Variants in POLR3G observed in about 807,000 individuals in gnomAD.
POLR3G encodes the protein DNA-directed RNA polymerase III subunit RPC7.
Under a neutral mutation model 30.1 loss-of-function variants are expected in POLR3G, and 28 were observed. That is an observed-to-expected ratio of 0.93 (90% CI 0.69 to 1.27). The LOEUF is 1.27. Among genes scored for constraint, POLR3G ranks in the 50% most tolerant of loss-of-function variants. The pLI is 0.00. For missense variants in POLR3G, 254 were observed against 264.6 expected (o/e 0.96, Z 0.28); for synonymous variants, 79 against 82.5 (o/e 0.96, Z 0.23).
At position 90,513,082 on chromosome 5, in the gene POLR3G, GTTTAAC is replaced by G. The variant is rs889973012; in HGVS notation, c.*949_*954del. ...TGAAATTAATATTAATATTTTTGTT[GTTTAAC>G]TTTAAAGCTAGCTCCCCTAACTTTA... On this transcript the variant is annotated 3_prime_UTR_variant, in exon 8 of 8. Transcript: ENST00000651687. The G allele has an allele frequency of 1.3e-5, 2 of 151,954 alleles. No homozygotes were observed. Among genetic ancestry groups the G allele is most frequent in the Admixed American group, 1.3e-4 (2 of 15,232 alleles). 9.4% of individuals were successfully genotyped at this position (151,954 alleles called of 1,614,324 possible).
At chr5:90,478,546 TG>T (rs1750953264) in intron 1 of POLR3G, among the ~76,000 whole-genome samples, 1 of 146,988 alleles carries the variant, frequency 6.8e-6, no homozygotes, top group Non-Finnish European at 1.5e-5. Flanking sequence ...TTCTGTAAAA[TG>T]GGAGGTTTAA....
At chr5:90,480,551 C>G (rs531394779) in intron 1 of POLR3G, among the ~76,000 whole-genome samples, 110 of 152,086 alleles carry the variant, frequency 7.2e-4, no homozygotes, top group African/African-American at 2.5e-3. Flanking sequence ...TTTTCAAGAG[C>G]TGTTCCATGA....
chr5:90,491,687 T>C (rs1324699467), intron 3 of POLR3G, among the ~76,000 whole-genome samples: 1 of 152,202 alleles, frequency 6.6e-6, no homozygotes, highest in Non-Finnish European at 1.5e-5. Flanking sequence ...GACCCTTTTA[T>C]ATATCTAAAA....
At chr5:90,493,341 G>C (rs750841189) in intron 3 of POLR3G, among the ~76,000 whole-genome samples, 13 of 151,898 alleles carry the variant, frequency 8.6e-5, no homozygotes, top group Non-Finnish European at 1.8e-4. Flanking sequence ...CCACCTCCCA[G>C]GCTCAAGTGA....
At chr5:90,492,979 TTATAA>T (rs746658528) in intron 3 of POLR3G, among the ~76,000 whole-genome samples, 13 of 151,800 alleles carry the variant, frequency 8.6e-5, no homozygotes, top group Non-Finnish European at 1.9e-4. Flanking sequence ...AGAAATGCAT[TTATAA>T]TCTGAAATTA....
intron 1 of POLR3G, among the ~76,000 whole-genome samples, chr5:90,476,366 A>G (rs549187587): frequency 9.8e-5 from 15 of 152,334 alleles, no homozygotes; most frequent in African/African-American, 3.6e-4. Context: ...GAGGGAAGAT[A>G]ATGTCTGTAC....
intron 7 of POLR3G, 150 bp downstream of exon 7, chr5:90,506,824 C>A: frequency 7.8e-7 from 1 of 1,284,486 alleles, no homozygotes; most frequent in Non-Finnish European, 1.0e-6. Flanking sequence ...TCCTTGCTAT[C>A]AAGAGAACTT....
rs780097585 is a variant in POLR3G at position 90,495,741 on chromosome 5, C to T, written c.304+8C>T. 1.3e-6 allele frequency: 2 copies of T among 1,587,898 alleles called. No homozygotes were observed. Among genetic ancestry groups the T allele is most frequent in the Non-Finnish European group, 1.7e-6 (2 of 1,169,458 alleles). Reference sequence around the variant, plus strand: ...AGGAAGAATGGATACCAGGTAACTACAAAACACACAATATGAAAACAGTTT... The same window carrying T: ...AGGAAGAATGGATACCAGGTAACTATAAAACACACAATATGAAAACAGTTT... On this transcript the variant is annotated splice_region_variant and intron_variant, in intron 4 of 7. Transcript: ENST00000651687.
Position 90,496,178 on chromosome 5 carries a change from C to A in POLR3G, c.304+445C>A, listed in dbSNP as rs150825327. On this transcript the variant is annotated intron_variant, in intron 4 of 7. Coordinates refer to ENST00000651687, the MANE Select transcript of POLR3G (RefSeq NM_006467.3). Reference sequence around the variant, plus strand: ...AGTAGAGACGGAGTTTCACCGTGTTCGCCAGAATGGTCTTGATCTGACCTC... The same window carrying A: ...AGTAGAGACGGAGTTTCACCGTGTTAGCCAGAATGGTCTTGATCTGACCTC... Among the ~76,000 whole-genome samples the A allele has an allele frequency of 5.9e-3, 900 of 151,846 alleles. 5 individuals carry two copies. Among genetic ancestry groups the A allele is most frequent in the Non-Finnish European group, 9.2e-3 (624 of 67,914 alleles).
intron 2 of POLR3G, among the ~76,000 whole-genome samples, chr5:90,486,830 A>G (rs376470662): frequency 2.0e-4 from 30 of 152,188 alleles, no homozygotes; most frequent in African/African-American, 7.0e-4. Flanking sequence ...GCTCTCCTAG[A>G]ATGTAAGTTC....
intron 3 of POLR3G, among the ~76,000 whole-genome samples, chr5:90,492,499 G>A (rs1395217700): frequency 7.9e-5 from 12 of 152,154 alleles, no homozygotes; most frequent in Non-Finnish European, 1.5e-4. Context: ...TGGATTGATT[G>A]TGTTAACTGG....
chr5:90,496,116 C>A (rs1417944652), intron 4 of POLR3G, among the ~76,000 whole-genome samples: 1 of 151,870 alleles, frequency 6.6e-6, no homozygotes, highest in Non-Finnish European at 1.5e-5. Flanking sequence ...GGACTACAGG[C>A]CCCCGCCACC....
At chr5:90,481,480 C>G (rs1325188603) in intron 1 of POLR3G, among the ~76,000 whole-genome samples, 1 of 152,174 alleles carries the variant, frequency 6.6e-6, no homozygotes, top group Non-Finnish European at 1.5e-5. Context: ...TTGCTACTTT[C>G]AAAGTATGGT....
chr5:90,485,009 AT>A (rs994074513), intron 1 of POLR3G, among the ~76,000 whole-genome samples: 8 of 150,514 alleles, frequency 5.3e-5, no homozygotes, highest in African/African-American at 7.3e-5. Flanking sequence ...TTTTCTCTGA[AT>A]TTTTTTTTTC....
intron 5 of POLR3G, among the ~76,000 whole-genome samples, chr5:90,499,729 C>A (rs565728010): frequency 6.6e-6 from 1 of 152,266 alleles, no homozygotes; most frequent in South Asian, 2.1e-4. Context: ...ACATACAATA[C>A]AATGCACATA....
chr5:90,478,194 A>T (rs1750934166), intron 1 of POLR3G, among the ~76,000 whole-genome samples: 1 of 141,566 alleles, frequency 7.1e-6, no homozygotes, highest in African/African-American at 2.5e-5. Flanking sequence ...AGTTGATTAA[A>T]ATTGACTTTT....
intron 1 of POLR3G, among the ~76,000 whole-genome samples, chr5:90,482,076 A>G (rs1038406622): frequency 3.3e-5 from 5 of 152,220 alleles, no homozygotes; most frequent in Non-Finnish European, 7.3e-5. Flanking sequence ...TGTAGTTTAA[A>G]ACGACAACAT....
intron 3 of POLR3G, among the ~76,000 whole-genome samples, chr5:90,492,127 T>C (rs1207570383): frequency 1.3e-5 from 2 of 152,222 alleles, no homozygotes; most frequent in African/African-American, 2.4e-5. Flanking sequence ...CTCTGGATGC[T>C]CATGATGATG....
At chr5:90,510,868 T>A (rs1334373521) in intron 7 of POLR3G, among the ~76,000 whole-genome samples, 8 of 142,926 alleles carry the variant, frequency 5.6e-5, no homozygotes, top group Non-Finnish European at 9.2e-5. Flanking sequence ...TATCCAGATT[T>A]AAAAAAAAAA....
Sources: allele counts gnomAD v4.1 joint callset (sites outside exome capture counted in the v4.1 genomes callset), GRCh38; gene constraint gnomAD v4.1.1; transcripts MANE v1.5; gene names NCBI Gene and HGNC (gene_info 2026-07-23, HGNC 2026-07-21).